Variants in BAG1 observed in about 807,000 individuals in gnomAD.
The protein encoded by BAG1 is BAG family molecular chaperone regulator 1.
BAG1 carries 35 observed loss-of-function variants against 35.5 expected under a neutral mutation model. The ratio of observed to expected loss-of-function variants is 0.99; its 90% CI spans 0.75 to 1.31. BAG1 has a LOEUF of 1.31. BAG1 is among the 50% of genes most tolerant of loss of function. BAG1 has a pLI of 0.00. For synonymous variants in BAG1, 191 were observed against 178.9 expected (o/e 1.07, Z -0.54); for missense variants, 464 against 453.6 (o/e 1.02, Z -0.21).
Position 33,254,901 on chromosome 9 carries a change from A to C in BAG1, c.*318T>G. The C allele has an allele frequency of 1.1e-6, 1 of 874,180 alleles. No homozygotes were observed. Among genetic ancestry groups the C allele is most frequent in the Non-Finnish European group, 1.6e-6 (1 of 628,008 alleles). 54.2% of individuals were successfully genotyped at this position (874,180 alleles called of 1,614,324 possible). ...TATAAACCTGAAACTGGCCCAAGGC[A>C]AATTAGAGCTCTCACCAGCCCAAAG... On this transcript the variant is annotated 3_prime_UTR_variant, in exon 7 of 7. Coordinates refer to ENST00000634734, the MANE Select transcript of BAG1 (RefSeq NM_004323.6).
intron 6 of BAG1, among the ~76,000 whole-genome samples, chr9:33,255,649 C>T (rs1369731344): frequency 6.6e-6 from 1 of 152,224 alleles, no homozygotes; most frequent in South Asian, 2.1e-4. Flanking sequence ...CCTACCTGCT[C>T]TCCAGTGAGT....
intron 1 of BAG1, 40 bp from the exon 2 acceptor site, chr9:33,262,870 C>T: frequency 1.9e-6 from 3 of 1,609,084 alleles, no homozygotes; most frequent in Non-Finnish European, 2.5e-6. Flanking sequence ...ATGATTCTTT[C>T]ACATACACCA....
Position 33,253,511 on chromosome 9 carries a change from T to C in BAG1, c.*1708A>G, listed in dbSNP as rs1040513378. On this transcript the variant is annotated 3_prime_UTR_variant, in exon 7 of 7. Coordinates refer to ENST00000634734, the MANE Select transcript of BAG1 (RefSeq NM_004323.6). ...ACGCCACACAGCTATCACACAAAAA[T>C]AGATCAATAGTGAACCACTCTGATT... 13 of 152,184 alleles carry C rather than the reference T, an allele frequency of 8.5e-5. No individual in the cohort carries two copies. Among genetic ancestry groups the C allele is most frequent in the East Asian group, 1.9e-4 (1 of 5,200 alleles). 9.4% of individuals were successfully genotyped at this position (152,184 alleles called of 1,614,324 possible). A position where few individuals can be genotyped will look rare whatever the true frequency, so the allele number is the denominator to read the frequency against.
Position 33,264,505 on chromosome 9 carries a change from T to G in BAG1, c.170A>C (p.Asp57Ala), listed in dbSNP as rs749352210. The change falls in exon 1 of 7, where the codon GAC becomes GCC. Residue 57 changes from aspartate (D) to alanine (A), a missense_variant. Asp to Ala is a moderately radical substitution (Grantham distance 126). Transcript: ENST00000634734. The stretch of plus-strand genomic sequence containing the variant: ...GGCGGCGGCGCCCCTGGTGGGTCGG[T>G]CATGCCCGCTGGCAGTACTCCGGGC... The G allele has an allele frequency of 4.3e-5, 69 of 1,604,164 alleles. No homozygotes were observed. The highest frequency in any genetic ancestry group is 5.9e-5 in the Non-Finnish European group (69 of 1,176,772).
In BAG1 at chr9:33,252,536, ATATATGT is replaced by A. The variant is rs1820357376; in HGVS notation, c.*2676_*2682del. The A allele has an allele frequency of 6.8e-6, 1 of 147,068 alleles. No individual in the cohort carries two copies. The highest frequency in any genetic ancestry group is 6.9e-5 in the Admixed American group (1 of 14,512). The allele number at this position is 147,068 out of a possible 1,614,324, so 9.1% of individuals were successfully genotyped here. On this transcript the variant is annotated 3_prime_UTR_variant, in exon 7 of 7. Coordinates refer to ENST00000634734, the MANE Select transcript of BAG1 (RefSeq NM_004323.6). Reference sequence around the variant, plus strand: ...GACTATATAACAAGTTATGCTTGTTATATATGTTATATATGTTATGTTATATATATAT... The same window carrying A: ...GACTATATAACAAGTTATGCTTGTTATATATATGTTATGTTATATATATAT...
chr9:33,264,275 C>T lies in BAG1; in HGVS notation c.400G>A (p.Val134Met). 6.2e-7 allele frequency: 1 copy of T among 1,613,678 alleles called. No individual in the cohort carries two copies. The highest frequency in any genetic ancestry group is 8.5e-7 in the Non-Finnish European group (1 of 1,179,908). The change falls in exon 1 of 7, where the codon GTG becomes ATG. Residue 134 changes from valine (V) to methionine (M), a missense_variant. By Grantham distance (21) the Val-to-Met change is conservative. Coordinates refer to ENST00000634734, the MANE Select transcript of BAG1 (RefSeq NM_004323.6). ...GCTGCCGCCATTTCCTCCCTGGTCA[C>T]CTCCTCGCTCCGGGTCGACTCCTCG...
rs1460625745 is a variant in BAG1 at position 33,253,748 on chromosome 9, T to C, written c.*1471A>G. ...AATTATGACTAGAGCCACAGAATGA[T>C]TTCCTCATTAATCCAAAAAAAAAAA... On this transcript the variant is annotated 3_prime_UTR_variant, in exon 7 of 7. Transcript: ENST00000634734. 4.2e-5 allele frequency: 6 copies of C among 144,482 alleles called. No individual in the cohort carries two copies. The highest frequency in any genetic ancestry group is 2.2e-4 in the South Asian group (1 of 4,474). 9.0% of individuals were successfully genotyped at this position (144,482 alleles called of 1,614,324 possible).
In BAG1 at chr9:33,252,980, A is replaced by G. The variant is rs1820369395; in HGVS notation, c.*2239T>C. The G allele has an allele frequency of 6.6e-6, 1 of 152,252 alleles. No individual in the cohort carries two copies. The highest frequency in any genetic ancestry group is 6.5e-5 in the Admixed American group (1 of 15,270). The allele number at this position is 152,252 out of a possible 1,614,324, so 9.4% of individuals were successfully genotyped here. A position where few individuals can be genotyped will look rare whatever the true frequency, so the allele number is the denominator to read the frequency against. On this transcript the variant is annotated 3_prime_UTR_variant, in exon 7 of 7. Transcript: ENST00000634734. ...AGGACCTGAAAGAAGAGTGGCTGACAGCAGACAGCCAACAAATGAGGGGGT... is the reference window on the plus strand; with the variant it reads ...AGGACCTGAAAGAAGAGTGGCTGACGGCAGACAGCCAACAAATGAGGGGGT...
chr9:33,264,425 C>A lies in BAG1; in HGVS notation c.250G>T (p.Glu84Ter), dbSNP rs1244472807. The change falls in exon 1 of 7, where the codon GAG becomes TAG. Residue 84 changes from glutamate (E) to a stop codon, truncating the protein, a stop_gained. Transcript: ENST00000634734. LOFTEE classifies it high-confidence loss of function. Reference sequence around the variant, plus strand: ...AACTCCTCGCTCCGGGTCAACTCCTCGCTCCGGGTCGAGCGGCGCCGGGTT... The same window carrying A: ...AACTCCTCGCTCCGGGTCAACTCCTAGCTCCGGGTCGAGCGGCGCCGGGTT... 1 of 1,610,776 alleles carries A rather than the reference C, an allele frequency of 6.2e-7. No individual in the cohort carries two copies. Among genetic ancestry groups the A allele is most frequent in the Non-Finnish European group, 8.5e-7 (1 of 1,178,234 alleles).
In BAG1 at chr9:33,262,855, C is replaced by T. The variant is rs368222150; in HGVS notation, c.452-25G>A. 25 of 1,608,712 alleles carry T rather than the reference C, an allele frequency of 1.6e-5. No individual in the cohort carries two copies. The African/African-American group carries it at 1.9e-4, about 12-fold the overall frequency. On this transcript the variant is annotated intron_variant, in intron 1 of 6. Coordinates refer to ENST00000634734, the MANE Select transcript of BAG1 (RefSeq NM_004323.6). ...CCTGGGGAGAAAGAAAAGCATTTGACGAATATGATTCTTTCACATACACCA... is the reference window on the plus strand; with the variant it reads ...CCTGGGGAGAAAGAAAAGCATTTGATGAATATGATTCTTTCACATACACCA...
intron 2 of BAG1, chr9:33,262,164 A>G (rs1467105209): frequency 2.3e-6 from 3 of 1,289,840 alleles, no homozygotes; most frequent in East Asian, 5.5e-5. Flanking sequence ...TGCCATCATC[A>G]TAAGACTTCA....
chr9:33,259,228 T>G, intron 3 of BAG1, 195 bp from the exon 4 acceptor site: 2 of 426,128 alleles, frequency 4.7e-6, no homozygotes, highest in Non-Finnish European at 8.7e-6. Flanking sequence ...CCAGGCATGC[T>G]GGCGTGCACC....
chr9:33,258,283 A>G (rs1430652108), intron 4 of BAG1, among the ~76,000 whole-genome samples: 1 of 136,084 alleles, frequency 7.3e-6, no homozygotes, highest in African/African-American at 2.8e-5. Flanking sequence ...TGGGTGACAG[A>G]GCGAGACTCC....
Position 33,264,608 on chromosome 9 carries a change from C to T in BAG1, c.67G>A (p.Ala23Thr), listed in dbSNP as rs1032084790. 1 of 1,373,656 alleles carries T rather than the reference C, an allele frequency of 7.3e-7. No individual in the cohort carries two copies. Among genetic ancestry groups the T allele is most frequent in the Non-Finnish European group, 9.3e-7 (1 of 1,073,220 alleles). 85.1% of individuals were successfully genotyped at this position (1,373,656 alleles called of 1,614,324 possible). Residue 23 changes from alanine to threonine, a missense_variant, in exon 1 of 7, where the codon GCC becomes ACC. By Grantham distance (58) the Ala-to-Thr change is moderately conservative. Transcript: ENST00000634734. Reference sequence around the variant, plus strand: ...CGCGGCTCCCGGCCTGGCCGAAGGGCGCGCAGCCGGGAACCCAGCCGCTCC... The same window carrying T: ...CGCGGCTCCCGGCCTGGCCGAAGGGTGCGCAGCCGGGAACCCAGCCGCTCC...
Position 33,256,865 on chromosome 9 carries a change from AG to A in BAG1, c.820del (p.Asp275IlefsTer4). 1.9e-6 allele frequency: 3 copies of A among 1,614,232 alleles called. No homozygotes were observed. The South Asian group carries it at 3.3e-5, about 18-fold the overall frequency. On this transcript the variant is annotated frameshift_variant, in exon 5 of 7. Coordinates refer to ENST00000634734, the MANE Select transcript of BAG1 (RefSeq NM_004323.6). LOFTEE classifies it high-confidence loss of function. ...TATTGTGGCTTTTACTCTCCTATCA[AG>A]TTTGCAGAGAGCTTCAGCTTGCAAA...
At position 33,254,947 on chromosome 9, in the gene BAG1, C is replaced by G; in HGVS notation, c.*272G>C. ...CAAAGAAAGCACCCAGAGGTCCAAA[C>G]AGCTGGGAAAATTTGGGCAGAGGTG... On this transcript the variant is annotated 3_prime_UTR_variant, in exon 7 of 7. Transcript: ENST00000634734. The G allele has an allele frequency of 7.6e-7, 1 of 1,319,524 alleles. No individual in the cohort carries two copies. The highest frequency in any genetic ancestry group is 1.5e-5 in the African/African-American group (1 of 66,788). 81.7% of individuals were successfully genotyped at this position (1,319,524 alleles called of 1,614,324 possible). A position where few individuals can be genotyped will look rare whatever the true frequency, so the allele number is the denominator to read the frequency against.
chr9:33,256,714 C>T, intron 5 of BAG1, 87 bp downstream of exon 5: 4 of 1,124,212 alleles, frequency 3.6e-6, no homozygotes, highest in Non-Finnish European at 5.3e-6. Context: ...TTTGCTCAGG[C>T]AATAGGAGAG....
At chr9:33,255,360 T>C (rs777614373) in intron 6 of BAG1, 52 bp from the exon 7 acceptor site, 4 of 1,612,732 alleles carry the variant, frequency 2.5e-6, no homozygotes, top group Non-Finnish European at 1.7e-6. Flanking sequence ...AGCCGACCAC[T>C]GCCCACACAA....
At chr9:33,262,319 GTT>G in intron 2 of BAG1, 1 of 1,230,188 alleles carries the variant, frequency 8.1e-7, no homozygotes, top group South Asian at 1.4e-5. Context: ...AAGTTCAGCA[GTT>G]TTAAAACTGT....
Sources: gnomAD v4.1 joint callset for allele counts (sites outside exome capture counted in the v4.1 genomes callset) on GRCh38, gnomAD v4.1.1 for gene constraint, MANE v1.5 for transcripts, NCBI Gene and HGNC (gene_info 2026-07-23, HGNC 2026-07-21) for gene names.